Variants in CYFIP1 observed in about 807,000 individuals in gnomAD.
CYFIP1 encodes cytoplasmic FMR1 interacting protein 1.
CYFIP1 carries 58 observed loss-of-function variants against 163.5 expected under a neutral mutation model. That is an observed-to-expected ratio of 0.35 (90% confidence interval 0.29 to 0.44). The LOEUF (loss-of-function observed/expected upper bound fraction) is 0.44. Among genes scored for constraint, CYFIP1 ranks in the 20% least tolerant of loss-of-function variants. The probability of loss-of-function intolerance (pLI) is 1.00; values close to 1 mark genes in which losing one functional copy is unlikely to be tolerated. For missense variants in CYFIP1, 1,338 were observed against 1,653.8 expected, an observed-to-expected ratio of 0.81 and a Z score of 3.31; for synonymous variants, 663 against 660.7, an observed-to-expected ratio of 1.00 and a Z score of -0.05.
At chr15:22,980,662 G>T (rs1239531935), upstream of CYFIP1, among the ~76,000 whole-genome samples, 2 of 152,020 alleles carry the variant, frequency 1.3e-5, no homozygotes, top group African/African-American at 4.8e-5. Context: ...TTCGGAGCGC[G>T]AAGGAACGGG....
At chr15:22,896,799 T>C (rs1330768273) in intron 22 of CYFIP1, among the ~76,000 whole-genome samples, 1 of 152,166 alleles carries the variant, frequency 6.6e-6, no homozygotes, top group Non-Finnish European at 1.5e-5. Context: ...TACAGAGTGA[T>C]TTTTCTCTGG....
In CYFIP1 at chr15:22,874,625, G is replaced by A. The variant is rs372314103; in HGVS notation, c.3135C>T (p.Ala1045=). The change falls in exon 28 of 31, where the codon GCC becomes GCT. Residue 1045 remains alanine, a synonymous_variant. Coordinates refer to ENST00000617928, the MANE Select transcript of CYFIP1 (RefSeq NM_014608.6). The stretch of plus-strand genomic sequence containing the variant: ...ACTTTGATTCTAGTCTTTTCATTTT[G>A]GCATCAAGTCTCTCCCCCTCTGCAG... ...VHVKEGERLD[A]KMKRLESKYA... 70 of 1,601,770 alleles carry A rather than the reference G, an allele frequency of 4.4e-5. No homozygotes were observed. Among genetic ancestry groups the A allele is most frequent in the Middle Eastern group, 1.7e-4 (1 of 6,016 alleles).
chr15:22,959,531 C>A (rs893849900), intron 1 of CYFIP1, among the ~76,000 whole-genome samples: 10 of 152,228 alleles, frequency 6.6e-5, no homozygotes, highest in African/African-American at 2.2e-4. Flanking sequence ...GCCGGGCAGT[C>A]CCGCCTGCTC....
intron 25 of CYFIP1, among the ~76,000 whole-genome samples, chr15:22,881,167 C>T (rs780047440): frequency 6.6e-5 from 10 of 152,158 alleles, no homozygotes; most frequent in Non-Finnish European, 8.8e-5. Context: ...AGCTCAGCCA[C>T]GCTGACTGAC....
At chr15:22,970,892 C>T (rs181490539) in intron 1 of CYFIP1, among the ~76,000 whole-genome samples, 40 of 152,040 alleles carry the variant, frequency 2.6e-4, no homozygotes, top group African/African-American at 7.7e-4. Context: ...CTGGCTAACA[C>T]GGTGAAATCC....
In CYFIP1 at chr15:22,964,407, AC is replaced by A. The variant is rs1171232724; in HGVS notation, c.-7+15879del. Reference sequence around the variant, plus strand: ...CACACACACACACACACACACACACACCCGGCAGCCCTGCCAGCAGACTCCG... The same window carrying A: ...CACACACACACACACACACACACACACCGGCAGCCCTGCCAGCAGACTCCG... On this transcript the variant is annotated intron_variant, in intron 1 of 30. Coordinates refer to ENST00000617928, the MANE Select transcript of CYFIP1 (RefSeq NM_014608.6). Among the ~76,000 whole-genome samples the A allele has an allele frequency of 2.9e-5, 4 of 135,678 alleles. No homozygotes were observed. In the South Asian group the frequency reaches 1.0e-3, roughly 34 times the overall value. The allele number at this position is 135,678 out of a possible 152,430, so 89.0% of individuals were successfully genotyped here. A position where few individuals can be genotyped will look rare whatever the true frequency, so the allele number is the denominator to read the frequency against.
intron 18 of CYFIP1, among the ~76,000 whole-genome samples, chr15:22,911,484 G>A (rs766330467): frequency 4.6e-5 from 7 of 152,168 alleles, no homozygotes; most frequent in East Asian, 1.9e-4. Flanking sequence ...GGAGCAAAGC[G>A]GCTGTTCTGG....
chr15:22,960,913 G>A (rs901366905), intron 1 of CYFIP1, among the ~76,000 whole-genome samples: 14 of 152,188 alleles, frequency 9.2e-5, no homozygotes, highest in Admixed American at 2.0e-4. Context: ...AGGTGGAGCC[G>A]GACAGTAGCA....
chr15:22,928,369 C>A (rs1345984271), intron 11 of CYFIP1, among the ~76,000 whole-genome samples: 2 of 151,338 alleles, frequency 1.3e-5, no homozygotes, highest in African/African-American at 4.9e-5. Context: ...GGCGACAGAG[C>A]GAGACTCCGT....
At chr15:22,969,480 G>A (rs115267996) in intron 1 of CYFIP1, among the ~76,000 whole-genome samples, 326 of 152,266 alleles carry the variant, frequency 2.1e-3, no homozygotes, top group African/African-American at 7.5e-3. Context: ...GTTCTAAGAG[G>A]CTTTTAACAC....
chr15:22,889,617 C>T lies in CYFIP1; in HGVS notation c.2676+3273G>A, dbSNP rs559933603. Among the ~76,000 whole-genome samples the T allele has an allele frequency of 3.0e-3, 457 of 152,326 alleles. 6 individuals are homozygous for T. The highest frequency in any genetic ancestry group is 0.01 in the African/African-American group (435 of 41,574). ...CCGCAGGTGCACGGCCCCACGCAGT[C>T]GGGTCGCCTGCCTACCCCCCGCCTG... On this transcript the variant is annotated intron_variant, in intron 23 of 30. Transcript: ENST00000617928.
chr15:22,964,380 CA>C, intron 1 of CYFIP1, among the ~76,000 whole-genome samples: 1 of 141,360 alleles, frequency 7.1e-6, no homozygotes, highest in African/African-American at 3.0e-5. Context: ...CACACACACA[CA>C]CACACACACA....
In CYFIP1 at chr15:22,867,855, T is replaced by TGTTTATG. The variant is rs140575352; in HGVS notation, c.*2172_*2173insCATAAAC. On this transcript the variant is annotated 3_prime_UTR_variant, in exon 31 of 31. Coordinates refer to ENST00000617928, the MANE Select transcript of CYFIP1 (RefSeq NM_014608.6). ...TTTTGGTTTCTAGAAAATGTTTGTT[T>TGTTTATG]ATGAAGAAGTCGATGGAAAACTGCA... 6.6e-6 allele frequency: 1 copy of TGTTTATG among 152,014 alleles called. No individual in the cohort carries two copies. The highest frequency in any genetic ancestry group is 2.4e-5 in the African/African-American group (1 of 41,392). 9.4% of individuals were successfully genotyped at this position (152,014 alleles called of 1,614,324 possible). A position where few individuals can be genotyped will look rare whatever the true frequency, so the allele number is the denominator to read the frequency against.
chr15:22,977,187 G>A (rs917873834), intron 1 of CYFIP1, among the ~76,000 whole-genome samples: 7 of 150,986 alleles, frequency 4.6e-5, no homozygotes, highest in Non-Finnish European at 7.4e-5. Flanking sequence ...CAACAAGAAT[G>A]AAACTCTGTC....
chr15:22,943,664 G>A (rs2061964618), intron 5 of CYFIP1, among the ~76,000 whole-genome samples: 1 of 152,188 alleles, frequency 6.6e-6, no homozygotes, highest in Non-Finnish European at 1.5e-5. Flanking sequence ...AAATTCAGAT[G>A]TTCTAACTTT....
At chr15:22,910,886 A>C in intron 18 of CYFIP1, 73 bp from the exon 19 acceptor site, 1 of 1,337,732 alleles carries the variant, frequency 7.5e-7, no homozygotes, top group South Asian at 1.2e-5. Flanking sequence ...GAAAAACAAA[A>C]TGTTTCGTTA....
chr15:22,931,851 C>G (rs537180114), intron 11 of CYFIP1, among the ~76,000 whole-genome samples: 1 of 152,212 alleles, frequency 6.6e-6, no homozygotes, highest in East Asian at 1.9e-4. Flanking sequence ...ATAATACCAT[C>G]TTTTCACTGT....
rs1478074810 is a variant in CYFIP1, at chr15:22,918,000, C to T, written c.1527-65G>A. 11 of 1,548,622 alleles carry T rather than the reference C, an allele frequency of 7.1e-6. No homozygotes were observed. The African/African-American group carries it at 9.6e-5, about 14-fold the overall frequency. On this transcript the variant is annotated intron_variant, in intron 14 of 30. Coordinates refer to ENST00000617928, the MANE Select transcript of CYFIP1 (RefSeq NM_014608.6). This position sits in a 1 kb window ranked among gnomAD's most constrained non-coding sequence, Gnocchi z 4.2. ...GAGACCTCCAGCCTCACAATCACAC[C>T]ATCTCCTCACCCAACTACAAGGCTC...
At chr15:22,961,272 T>G (rs1177131951) in intron 1 of CYFIP1, among the ~76,000 whole-genome samples, 1 of 152,108 alleles carries the variant, frequency 6.6e-6, no homozygotes, top group African/African-American at 2.4e-5. Flanking sequence ...TCCGCCGGCT[T>G]TGGCCTTCCA....
Sources: gnomAD v4.1 joint callset for allele counts (sites outside exome capture counted in the v4.1 genomes callset) on GRCh38, gnomAD v4.1.1 for gene constraint, Gnocchi (gnomAD v3.1) non-coding constraint, MANE v1.5 for transcripts, NCBI Gene and HGNC (gene_info 2026-07-23, HGNC 2026-07-21) for gene names.